PATL2: variants seen among roughly 807,000 people sequenced by gnomAD.
The protein encoded by PATL2 is PAT1 homolog 2.
In PATL2, 73 loss-of-function variants were observed where a neutral mutation model predicts 77.0. The ratio of observed to expected loss-of-function variants is 0.95; its 90% CI spans 0.78 to 1.15. PATL2 has a LOEUF of 1.15. PATL2 is among the 50% of genes most tolerant of loss of function. The pLI, the probability that PATL2 is intolerant of heterozygous loss-of-function variation, is 0.00. For synonymous variants in PATL2, 265 were observed against 257.1 expected (o/e 1.03, Z -0.29); for missense variants, 618 against 655.4 (o/e 0.94, Z 0.62).
intron 3 of PATL2, among the ~76,000 whole-genome samples, chr15:44,693,796 T>C (rs756595168): frequency 6.6e-6 from 1 of 152,086 alleles, no homozygotes; most frequent in Non-Finnish European, 1.5e-5. Context: ...TCAATCGCAC[T>C]TCAAGCGGTT....
chr15:44,692,614 A>G (rs2086416848), intron 3 of PATL2, among the ~76,000 whole-genome samples: 2 of 152,240 alleles, frequency 1.3e-5, no homozygotes, highest in Non-Finnish European at 2.9e-5. Context: ...GCAGGCACTC[A>G]GTAAAGAATC....
At chr15:44,679,108 G>A (rs1357823189) in intron 3 of PATL2, among the ~76,000 whole-genome samples, 4 of 152,176 alleles carry the variant, frequency 2.6e-5, no homozygotes, top group Non-Finnish European at 5.9e-5. Context: ...TGTCACTCAG[G>A]CTGGAGTGCA....
chr15:44,689,789 AC>A (rs1287121788), intron 3 of PATL2, among the ~76,000 whole-genome samples: 10 of 152,280 alleles, frequency 6.6e-5, no homozygotes, highest in African/African-American at 2.4e-4. Flanking sequence ...GCAGCAAACC[AC>A]CATGGCACAT....
chr15:44,670,408 G>C (rs1377111958), intron 9 of PATL2, among the ~76,000 whole-genome samples: 1 of 152,104 alleles, frequency 6.6e-6, no homozygotes, highest in Non-Finnish European at 1.5e-5. Flanking sequence ...TGCTCAGGCT[G>C]GTCTTGAACT....
chr15:44,690,927 T>C lies in PATL2; in HGVS notation c.-75-14362A>G, dbSNP rs987177737. The stretch of plus-strand genomic sequence containing the variant: ...TCTTTACTTTAGTTAAGTGTGAATG[T>C]CTGTTAACACAGAATGTCTGTGTCC... On this transcript the variant is annotated intron_variant, in intron 3 of 17. Transcript: ENST00000682850. 3.3e-5 allele frequency among the ~76,000 whole-genome samples: 5 copies of C among 152,184 alleles called. No homozygotes were observed. In the East Asian group the frequency reaches 9.6e-4, roughly 29 times the overall value.
chr15:44,697,528 A>C (rs2086533479), intron 3 of PATL2: 1 of 152,250 alleles, frequency 6.6e-6, no homozygotes, highest in South Asian at 2.1e-4. Context: ...AGTTAAAAAA[A>C]TAATATTACA....
intron 4 of PATL2, 72 bp downstream of exon 4, chr15:44,676,403 A>G (rs2085955928): frequency 7.6e-7 from 1 of 1,308,314 alleles, no homozygotes. Flanking sequence ...ATCCAATCCC[A>G]TATGTGAAAC....
chr15:44,669,766 A>G lies in PATL2; in HGVS notation c.876+11T>C. ...GGGAGAGAAAAATGTCTGGGAAGAT[A>G]GTGCTCCCACCTGCTCTTGAGTTCC... On this transcript the variant is annotated intron_variant, in intron 11 of 17. Transcript: ENST00000682850. 1.3e-6 allele frequency: 2 copies of G among 1,551,350 alleles called. No homozygotes were observed. The highest frequency in any genetic ancestry group is 1.7e-6 in the Non-Finnish European group (2 of 1,146,684).
intron 3 of PATL2, among the ~76,000 whole-genome samples, chr15:44,689,695 A>G (rs2086343173): frequency 6.6e-6 from 1 of 152,016 alleles, no homozygotes; most frequent in African/African-American, 2.4e-5. Flanking sequence ...GGAACATCAC[A>G]CACCAGGGCC....
At chr15:44,698,801 T>G (rs1333917139) in intron 3 of PATL2, among the ~76,000 whole-genome samples, 3 of 152,222 alleles carry the variant, frequency 2.0e-5, no homozygotes, top group Non-Finnish European at 4.4e-5. Flanking sequence ...TATTTTTAGT[T>G]TTTTGAGGAA....
chr15:44,710,429 T>C (rs764715835), intron 2 of PATL2, among the ~76,000 whole-genome samples: 10 of 152,038 alleles, frequency 6.6e-5, no homozygotes, highest in Non-Finnish European at 1.3e-4. Flanking sequence ...CTTTAGAGGG[T>C]AGGTTTTCTT....
At chr15:44,697,426 C>A (rs1275911973) in intron 3 of PATL2, 1 of 152,262 alleles carries the variant, frequency 6.6e-6, no homozygotes, top group Non-Finnish European at 1.5e-5. Context: ...GTACTTGAAC[C>A]AACCTTAATT....
intron 3 of PATL2, among the ~76,000 whole-genome samples, chr15:44,696,869 A>G (rs927722463): frequency 5.3e-5 from 8 of 152,142 alleles, no homozygotes; most frequent in Non-Finnish European, 8.8e-5. Context: ...TTAATTACAG[A>G]TTGGAATCTC....
chr15:44,699,582 C>T (rs906853231), intron 3 of PATL2, among the ~76,000 whole-genome samples: 3 of 152,182 alleles, frequency 2.0e-5, no homozygotes, highest in Admixed American at 6.5e-5. Context: ...AAGAGATCCA[C>T]CCACCTTGGC....
At chr15:44,675,264 A>G in intron 5 of PATL2, 1 of 564,766 alleles carries the variant, frequency 1.8e-6, no homozygotes, top group Non-Finnish European at 3.1e-6. Context: ...CAGCTCTGCT[A>G]GGACCTGGTT....
chr15:44,674,848 C>T (rs2085874132), intron 5 of PATL2: 2 of 152,106 alleles, frequency 1.3e-5, no homozygotes, highest in African/African-American at 4.8e-5. Context: ...GGATTACAGA[C>T]ATAAGCCACT....
At position 44,669,284 on chromosome 15, in the gene PATL2, G is replaced by C. The variant is rs1395087309; in HGVS notation, c.1060C>G (p.Leu354Val). ...GTGGAACCCTCCCACACTCACTCCA[G>C]GTTGTTCTGCTCCTGGGTCTTTAAG... ...QTLKTQEQNN[L>V]EEAADGFLQV... Residue 354 changes from leucine (L) to valine (V), a missense_variant, in exon 13 of 18, where the codon CTG (leucine) becomes GTG (valine). Transcript: ENST00000682850. The C allele has an allele frequency of 6.5e-7, 1 of 1,549,184 alleles. No homozygotes were observed. The highest frequency in any genetic ancestry group is 1.4e-5 in the African/African-American group (1 of 73,084).
chr15:44,710,257 C>G (rs973608073), intron 2 of PATL2, among the ~76,000 whole-genome samples, 43 bp from the exon 3 acceptor site: 10 of 152,196 alleles, frequency 6.6e-5, no homozygotes, highest in African/African-American at 2.4e-4. Flanking sequence ...TTGTTGTGCT[C>G]CTTGGGGAAG....
At chr15:44,682,167 A>T (rs981676815) in intron 3 of PATL2, among the ~76,000 whole-genome samples, 2 of 152,254 alleles carry the variant, frequency 1.3e-5, no homozygotes, top group Middle Eastern at 3.2e-3. Flanking sequence ...GTTACAAAGT[A>T]AGAGTTGTTT....
Sources: allele counts gnomAD v4.1 joint callset (sites outside exome capture counted in the v4.1 genomes callset), GRCh38; gene constraint gnomAD v4.1.1; transcripts MANE v1.5; gene names NCBI Gene and HGNC (gene_info 2026-07-23, HGNC 2026-07-21).